UNC79: variants seen among roughly 807,000 people sequenced by gnomAD.
UNC79 encodes the protein protein unc-79 homolog.
Under a neutral mutation model 283.1 loss-of-function variants are expected in UNC79, and 37 were observed. The ratio of observed to expected loss-of-function variants is 0.13; its 90% CI spans 0.10 to 0.17. The LOEUF (loss-of-function observed/expected upper bound fraction) is 0.17. UNC79 is among the 10% of genes least tolerant of loss of function. The pLI is 1.00. For synonymous variants in UNC79, 1,107 were observed against 1,200.2 expected (o/e 0.92, Z 1.61); for missense variants, 2,272 against 3,211.1 (o/e 0.71, Z 7.07).
chr14:93,422,390 TGG>T, intron 1 of UNC79, among the ~76,000 whole-genome samples: 1 of 152,174 alleles, frequency 6.6e-6, no homozygotes, highest in Non-Finnish European at 1.5e-5. Flanking sequence ...TCCAGGTAGC[TGG>T]CTTCAGAGAT....
At chr14:93,485,257 T>C (rs2058358909) in intron 4 of UNC79, among the ~76,000 whole-genome samples, 1 of 151,160 alleles carries the variant, frequency 6.6e-6, no homozygotes, top group South Asian at 2.1e-4. Context: ...TGTGTGTGCG[T>C]GTGTGTATTT....
intron 11 of UNC79, among the ~76,000 whole-genome samples, chr14:93,533,559 G>A (rs537334381): frequency 6.6e-6 from 1 of 152,152 alleles, no homozygotes; most frequent in African/African-American, 2.4e-5. Context: ...GATGGGTGGG[G>A]TGTCTGGGCC....
At chr14:93,396,835 A>G (rs1204522809) in intron 1 of UNC79, among the ~76,000 whole-genome samples, 1 of 142,780 alleles carries the variant, frequency 7.0e-6, no homozygotes, top group African/African-American at 2.5e-5. Context: ...CTCTCAGCCA[A>G]GCAACTGACA....
In UNC79 at chr14:93,433,842, T is replaced by A. The variant is rs370609542; in HGVS notation, c.22+2791T>A. Among the ~76,000 whole-genome samples the A allele has an allele frequency of 7.2e-5, 11 of 152,288 alleles. 1 individual carries two copies. In the East Asian group the frequency reaches 1.5e-3, roughly 21 times the overall value. On this transcript the variant is annotated intron_variant, in intron 1 of 48. Coordinates refer to ENST00000555664, the Ensembl canonical transcript of UNC79. ...TACTCGATTTACCTTTGAAATGTAATGTATCACAGAGATATGAAAAATGAT... is the reference window on the plus strand; with the variant it reads ...TACTCGATTTACCTTTGAAATGTAAAGTATCACAGAGATATGAAAAATGAT...
chr14:93,604,904 T>G, intron 26 of UNC79: 1 of 1,582,824 alleles, frequency 6.3e-7, no homozygotes, highest in African/African-American at 1.3e-5. Flanking sequence ...AGCTATGAGG[T>G]TGACCAGGCA....
intron 47 of UNC79, among the ~76,000 whole-genome samples, chr14:93,703,318 T>C (rs1334844754): frequency 6.6e-6 from 1 of 152,206 alleles, no homozygotes; most frequent in Non-Finnish European, 1.5e-5. Flanking sequence ...AAGGCTGAGA[T>C]CAAGGTGTCG....
intron 1 of UNC79, among the ~76,000 whole-genome samples, chr14:93,411,539 A>C (rs968781701): frequency 2.0e-5 from 3 of 152,244 alleles, no homozygotes; most frequent in African/African-American, 7.2e-5. Context: ...AGTGGTGACC[A>C]CAGTGGGGGC....
chr14:93,485,876 C>A (rs1011582214), intron 4 of UNC79, among the ~76,000 whole-genome samples: 1 of 152,072 alleles, frequency 6.6e-6, no homozygotes, highest in Non-Finnish European at 1.5e-5. Context: ...GTTTTAAAGG[C>A]CACTGTCTAC....
chr14:93,353,515 T>A (rs140371148), intron 1 of UNC79, among the ~76,000 whole-genome samples: 2 of 152,370 alleles, frequency 1.3e-5, no homozygotes, highest in East Asian at 3.9e-4. Flanking sequence ...ATTTATTCTT[T>A]CTTTGTATTC....
chr14:93,446,391 G>A (rs2056459496), intron 1 of UNC79, among the ~76,000 whole-genome samples: 1 of 109,644 alleles, frequency 9.1e-6, no homozygotes, highest in Non-Finnish European at 1.9e-5. Flanking sequence ...AGACATGTGT[G>A]TGGTTTTTTT....
rs1283145365 is a variant in UNC79 at position 93,706,650 on chromosome 14, C to G, written c.7591-54C>G. 3 of 1,605,798 alleles carry G rather than the reference C, an allele frequency of 1.9e-6. No homozygotes were observed. In the East Asian group the frequency reaches 6.7e-5, roughly 36 times the overall value. On this transcript the variant is annotated intron_variant, in intron 48 of 48. Transcript: ENST00000555664. ...CAAGAAGCCGCCCGGGTCGACACTCCCTGGGTTGCCCGTGAAAAGAAATAA... is the reference window on the plus strand; with the variant it reads ...CAAGAAGCCGCCCGGGTCGACACTCGCTGGGTTGCCCGTGAAAAGAAATAA...
intron 25 of UNC79, among the ~76,000 whole-genome samples, chr14:93,602,455 G>A (rs2065580754): frequency 1.3e-5 from 2 of 152,144 alleles, no homozygotes; most frequent in South Asian, 4.1e-4. Flanking sequence ...CGTTCCATTG[G>A]TCTACAAGCC....
At position 93,572,674 on chromosome 14, in the gene UNC79, T is replaced by C; in HGVS notation, c.1947-19T>C. 1 of 1,613,714 alleles carries C rather than the reference T, an allele frequency of 6.2e-7. No homozygotes were observed. The highest frequency in any genetic ancestry group is 1.7e-5 in the Admixed American group (1 of 59,974). On this transcript the variant is annotated intron_variant, in intron 15 of 48. Transcript: ENST00000555664. ...ATCTATGCCCATTGGTCATTTACTTTTGTTGCTCTGCTTTCCAGCAAAATG... is the reference window on the plus strand; with the variant it reads ...ATCTATGCCCATTGGTCATTTACTTCTGTTGCTCTGCTTTCCAGCAAAATG...
At chr14:93,530,605 T>A (rs990610065) in intron 10 of UNC79, among the ~76,000 whole-genome samples, 11 of 149,606 alleles carry the variant, frequency 7.4e-5, no homozygotes, top group Non-Finnish European at 1.6e-4. Flanking sequence ...GAGAAAGACC[T>A]TGTCTTAAAA....
intron 4 of UNC79, 67 bp from the exon 5 acceptor site, chr14:93,487,596 C>A: frequency 7.6e-7 from 1 of 1,322,352 alleles, no homozygotes; most frequent in Middle Eastern, 1.8e-4. Context: ...ATCTCTCATG[C>A]TCTGTGCAAA....
chr14:93,488,312 A>T (rs7147769), intron 5 of UNC79, among the ~76,000 whole-genome samples: 152,022 of 152,344 alleles, frequency 1, 75,856 homozygotes, highest in Middle Eastern at 1. Context: ...CTCTTTGTTT[A>T]GATTTGTAGT....
At chr14:93,599,495 T>G (rs1428006773) in intron 24 of UNC79, among the ~76,000 whole-genome samples, 1 of 152,198 alleles carries the variant, frequency 6.6e-6, no homozygotes, top group Admixed American at 6.5e-5. Context: ...TTATGCTGCC[T>G]GTGGCACATT....
intron 1 of UNC79, among the ~76,000 whole-genome samples, chr14:93,367,758 G>A (rs992080585): frequency 1.3e-5 from 2 of 152,158 alleles, no homozygotes; most frequent in African/African-American, 4.8e-5. Flanking sequence ...CAGTGTTAAG[G>A]GCAGGTAGAC....
exon 35 of UNC79, chr14:93,646,613 C>T (rs2069631782): frequency 6.2e-7 from 1 of 1,613,678 alleles, no homozygotes; most frequent in Admixed American, 1.7e-5. Context: ...CCTAGATTGG[C>T]ATCCAGTACT....
Sources: allele counts gnomAD v4.1 joint callset (sites outside exome capture counted in the v4.1 genomes callset), GRCh38; gene constraint gnomAD v4.1.1; transcripts MANE v1.5; gene names NCBI Gene and HGNC (gene_info 2026-07-23, HGNC 2026-07-21).